Variants in AGAP1 observed in about 807,000 individuals in gnomAD.
The protein encoded by AGAP1 is arf-GAP with GTPase, ANK repeat and PH domain-containing protein 1.
A neutral mutation model predicts 105.3 loss-of-function variants in AGAP1; 29 were observed. The ratio of observed to expected loss-of-function variants is 0.28; its 90% CI spans 0.21 to 0.38. The LOEUF (loss-of-function observed/expected upper bound fraction) is 0.38, where lower values mean the gene tolerates loss of function less well. Ranked by LOEUF, AGAP1 falls within the 10% of genes least tolerant of loss-of-function variation. AGAP1 has a pLI of 1.00. For missense variants in AGAP1, 998 were observed against 1,165.1 expected, an observed-to-expected ratio of 0.86 and a Z score of 2.09; for synonymous variants, 509 against 485.9, an observed-to-expected ratio of 1.05 and a Z score of -0.63.
intron 6 of AGAP1, among the ~76,000 whole-genome samples, chr2:235,760,073 C>T (rs1284677205): frequency 3.9e-5 from 6 of 152,260 alleles, no homozygotes; most frequent in Admixed American, 1.3e-4. Flanking sequence ...TCCATATTCA[C>T]TCGGTAAATA....
At chr2:235,678,786 C>T (rs1948900057) in intron 1 of AGAP1, among the ~76,000 whole-genome samples, 2 of 151,946 alleles carry the variant, frequency 1.3e-5, no homozygotes, top group East Asian at 1.9e-4. Context: ...TCACCTGAGA[C>T]GTAGTAAGAG....
In AGAP1 at chr2:235,874,793, G is replaced by A. The variant is rs541473809; in HGVS notation, c.1051-8552G>A. On this transcript the variant is annotated intron_variant, in intron 9 of 17. Coordinates refer to ENST00000304032, the MANE Select transcript of AGAP1 (RefSeq NM_001037131.3). The surrounding 1 kb of genome is among the most constrained non-coding windows in gnomAD (Gnocchi z 4.5). ...AAGATAGCATTACTCCTAGAACCAA[G>A]ATACCATGAGTGTGTGTGTGCATGT... Among the ~76,000 whole-genome samples the A allele has an allele frequency of 5.4e-4, 82 of 152,336 alleles. No homozygotes were observed. The highest frequency in any genetic ancestry group is 4.6e-3 in the South Asian group (22 of 4,828).
Position 236,036,938 on chromosome 2 carries a change from G to T in AGAP1, c.1800+223G>T, listed in dbSNP as rs2057401087. On this transcript the variant is annotated intron_variant, in intron 14 of 17. Coordinates refer to ENST00000304032, the MANE Select transcript of AGAP1 (RefSeq NM_001037131.3). The surrounding 1 kb of genome is among the most constrained non-coding windows in gnomAD (Gnocchi z 5.7). ...CTGACCGTGCTTCCCTGGCAGGAGA[G>T]CCAAGGTTAAATCTTCAGTCTGTCA... 6.6e-6 allele frequency among the ~76,000 whole-genome samples: 1 copy of T among 152,202 alleles called. No individual in the cohort carries two copies. Among genetic ancestry groups the T allele is most frequent in the Admixed American group, 6.5e-5 (1 of 15,280 alleles).
At chr2:236,111,177 T>A (rs1482114613) in intron 16 of AGAP1, among the ~76,000 whole-genome samples, 4 of 152,172 alleles carry the variant, frequency 2.6e-5, no homozygotes, top group Non-Finnish European at 5.9e-5. Flanking sequence ...CAGACTTTGT[T>A]GATAAATCCG....
rs920093311 is a variant in AGAP1 at position 235,979,359 on chromosome 2, A to G, written c.1645+10736A>G. ...CCCCTGTCGTTCATTTGAATCCTGC[A>G]TCGCTGATTTAAGTGTTAATCAAAT... is the stretch of plus-strand genomic sequence containing the variant. On this transcript the variant is annotated intron_variant, in intron 13 of 17. Coordinates refer to ENST00000304032, the MANE Select transcript of AGAP1 (RefSeq NM_001037131.3). The surrounding 1 kb of genome is among the most constrained non-coding windows in gnomAD (Gnocchi z 4.5). 2.0e-5 allele frequency among the ~76,000 whole-genome samples: 3 copies of G among 152,110 alleles called. No homozygotes were observed. The highest frequency in any genetic ancestry group is 7.2e-5 in the African/African-American group (3 of 41,408).
intron 2 of AGAP1, 58 bp downstream of exon 2, chr2:235,709,295 C>G: frequency 1.3e-6 from 2 of 1,566,902 alleles, no homozygotes; most frequent in Admixed American, 1.7e-5. Context: ...TGTGCACACC[C>G]AAGCCTGCAT....
In AGAP1 at chr2:236,038,815, TTGTA is replaced by T. The variant is rs147522058; in HGVS notation, c.1801-1932_1801-1929del. ...CACAGAGAGACAGAGGCACATCCCT[TTGTA>T]TGTGTGTGTGTGTGTGTGTGTGTGT... On this transcript the variant is annotated intron_variant, in intron 14 of 17. Coordinates refer to ENST00000304032, the MANE Select transcript of AGAP1 (RefSeq NM_001037131.3). The surrounding 1 kb of genome is among the most constrained non-coding windows in gnomAD (Gnocchi z 4.5). 0.3 allele frequency among the ~76,000 whole-genome samples: 38,650 copies of T among 128,454 alleles called. 5,210 individuals carry two copies. Among genetic ancestry groups the T allele is most frequent in the South Asian group, 0.41 (1,673 of 4,050 alleles). The allele number at this position is 128,454 out of a possible 152,430, so 84.3% of individuals were successfully genotyped here. A position where few individuals can be genotyped will look rare whatever the true frequency, so the allele number is the denominator to read the frequency against.
At position 235,723,087 on chromosome 2, in the gene AGAP1, A is replaced by G. The variant is rs1231439004; in HGVS notation, c.310+5443A>G. ...TGGTTCTGCCAGTGATGCTTTTGCA[A>G]GCTCTGCTGGTGTTCTAGAACCTCA... On this transcript the variant is annotated intron_variant, in intron 3 of 17. Coordinates refer to ENST00000304032, the MANE Select transcript of AGAP1 (RefSeq NM_001037131.3). This position sits in a 1 kb window ranked among gnomAD's most constrained non-coding sequence, Gnocchi z 6.2. Among the ~76,000 whole-genome samples, 1 of 152,148 alleles carries G rather than the reference A, an allele frequency of 6.6e-6. No homozygotes were observed. The highest frequency in any genetic ancestry group is 1.9e-4 in the East Asian group (1 of 5,186).
chr2:235,714,084 G>T lies in AGAP1; in HGVS notation c.223-3473G>T, dbSNP rs950998883. ...GCTGGAGTGCGGTGGTGCAATCTCA[G>T]CTCACTGCAACCTCTGCCTCCCGGG... On this transcript the variant is annotated intron_variant, in intron 2 of 17. Transcript: ENST00000304032. The surrounding 1 kb of genome is among the most constrained non-coding windows in gnomAD (Gnocchi z 4.1). Among the ~76,000 whole-genome samples, 4 of 152,244 alleles carry T rather than the reference G, an allele frequency of 2.6e-5. No homozygotes were observed. The highest frequency in any genetic ancestry group is 1.3e-4 in the Admixed American group (2 of 15,304).
intron 1 of AGAP1, among the ~76,000 whole-genome samples, chr2:235,626,063 A>G (rs2149278143): frequency 6.6e-6 from 1 of 152,200 alleles, no homozygotes; most frequent in South Asian, 2.1e-4. Flanking sequence ...AAATCACTGA[A>G]TATAGGCCAG....
At chr2:235,755,646 G>C (rs1361119280) in intron 6 of AGAP1, among the ~76,000 whole-genome samples, 2 of 152,200 alleles carry the variant, frequency 1.3e-5, no homozygotes, top group Non-Finnish European at 2.9e-5. Flanking sequence ...TTGCCATGTT[G>C]GCTAGGCTGG....
At chr2:235,938,642 G>T (rs1485098096) in intron 12 of AGAP1, among the ~76,000 whole-genome samples, 2 of 152,202 alleles carry the variant, frequency 1.3e-5, no homozygotes, top group East Asian at 1.9e-4. Context: ...CTGCAGAAAC[G>T]CTGTCAAGAC....
At chr2:235,693,759 G>A (rs1041445787) in intron 1 of AGAP1, among the ~76,000 whole-genome samples, 1 of 152,184 alleles carries the variant, frequency 6.6e-6, no homozygotes, top group Non-Finnish European at 1.5e-5. Context: ...AATTAGATAA[G>A]AGTTAACTGA....
rs531536179 is a variant in AGAP1, at chr2:235,998,903, G to A, written c.1645+30280G>A. Among the ~76,000 whole-genome samples, 222 of 151,188 alleles carry A rather than the reference G, an allele frequency of 1.5e-3. 1 individual carries two copies. The highest frequency in any genetic ancestry group is 5.2e-3 in the African/African-American group (216 of 41,182). The stretch of plus-strand genomic sequence containing the variant: ...TGGTGGTGGTGGTGGTAGTGGTGAC[G>A]GCAATGACGATGATAGTATGATGAT... On this transcript the variant is annotated intron_variant, in intron 13 of 17. Transcript: ENST00000304032.
chr2:236,002,375 C>T lies in AGAP1; in HGVS notation c.1645+33752C>T, dbSNP rs1048813273. 6.6e-6 allele frequency among the ~76,000 whole-genome samples: 1 copy of T among 152,222 alleles called. No homozygotes were observed. Among genetic ancestry groups the T allele is most frequent in the African/African-American group, 2.4e-5 (1 of 41,462 alleles). ...CAAATGACTTTCCTTCTTCCCTCAT[C>T]CCCTTTCCCATCCTCACTCTCTTCC... On this transcript the variant is annotated intron_variant, in intron 13 of 17. Coordinates refer to ENST00000304032, the MANE Select transcript of AGAP1 (RefSeq NM_001037131.3). The surrounding 1 kb of genome is among the most constrained non-coding windows in gnomAD (Gnocchi z 4.3).
rs1010739918 is a variant in AGAP1, at chr2:235,830,738, G to A, written c.1050+23407G>A. Among the ~76,000 whole-genome samples, 2 of 152,170 alleles carry A rather than the reference G, an allele frequency of 1.3e-5. No individual in the cohort carries two copies. Among genetic ancestry groups the A allele is most frequent in the Admixed American group, 1.3e-4 (2 of 15,280 alleles). On this transcript the variant is annotated intron_variant, in intron 9 of 17. Transcript: ENST00000304032. The surrounding 1 kb of genome is among the most constrained non-coding windows in gnomAD (Gnocchi z 5.5). The stretch of plus-strand genomic sequence containing the variant: ...ACTCCTAGTGTTCCTCACAGCAGGT[G>A]GAAAATGCATTTATAAGATATTTCT...
At chr2:235,579,997 C>CAG (rs199730439) in intron 1 of AGAP1, among the ~76,000 whole-genome samples, 3,555 of 152,280 alleles carry the variant, frequency 0.023, 143 homozygotes, top group African/African-American at 0.081. Context: ...CAGAACCATA[C>CAG]AACATGTGGC....
rs115499188 is a variant in AGAP1, at chr2:235,788,056, C to T, written c.674-9703C>T. Among the ~76,000 whole-genome samples, 3,102 of 152,284 alleles carry T rather than the reference C, an allele frequency of 0.02. 95 individuals carry two copies. The highest frequency in any genetic ancestry group is 0.071 in the African/African-American group (2,950 of 41,536). Reference sequence around the variant, plus strand: ...TAGGCCATTGGCATCAACGCTGCAGCCTCTGAGTCATGCATGCCTCATGGG... The same window carrying T: ...TAGGCCATTGGCATCAACGCTGCAGTCTCTGAGTCATGCATGCCTCATGGG... On this transcript the variant is annotated intron_variant, in intron 6 of 17. Transcript: ENST00000304032. The surrounding 1 kb of genome is among the most constrained non-coding windows in gnomAD (Gnocchi z 6.0).
rs367895196 is a variant in AGAP1, at chr2:236,120,464, C to T, written c.2370+17C>T. ...CTGATCTGGGTAGGTGGTCGGCACGCCTGGCAGAGGACGGGGCCACAGGAG... is the reference window on the plus strand; with the variant it reads ...CTGATCTGGGTAGGTGGTCGGCACGTCTGGCAGAGGACGGGGCCACAGGAG... On this transcript the variant is annotated intron_variant, in intron 17 of 17. Transcript: ENST00000304032. The surrounding 1 kb of genome is among the most constrained non-coding windows in gnomAD (Gnocchi z 6.0). 8.1e-6 allele frequency: 13 copies of T among 1,610,806 alleles called. No homozygotes were observed. Among genetic ancestry groups the T allele is most frequent in the Admixed American group, 1.7e-5 (1 of 59,964 alleles).
Sources: allele counts gnomAD v4.1 joint callset (sites outside exome capture counted in the v4.1 genomes callset), GRCh38; gene constraint gnomAD v4.1.1; non-coding constraint Gnocchi (gnomAD v3.1); transcripts MANE v1.5; gene names NCBI Gene and HGNC (gene_info 2026-07-23, HGNC 2026-07-21).